LRRIQ1: variants seen among roughly 807,000 people sequenced by gnomAD.
LRRIQ1 encodes leucine rich repeats and IQ motif containing 1, also known as leucine-rich repeat- and IQ domain-containing protein 1.
A neutral mutation model predicts 211.9 loss-of-function variants in LRRIQ1; 210 were observed. The ratio of observed to expected loss-of-function variants is 0.99; its 90% CI spans 0.89 to 1.11. The LOEUF (loss-of-function observed/expected upper bound fraction) is 1.11. Ranked by LOEUF, LRRIQ1 falls within the 50% of genes most tolerant of loss-of-function variation. The pLI, the probability that LRRIQ1 is intolerant of heterozygous loss-of-function variation, is 0.00. For synonymous variants in LRRIQ1, 699 were observed against 650.1 expected (o/e 1.08, Z -1.14); for missense variants, 2,136 against 1,939.5 (o/e 1.10, Z -1.90).
At chr12:85,161,932 C>T (rs1432477610) in intron 24 of LRRIQ1, among the ~76,000 whole-genome samples, 4 of 151,742 alleles carry the variant, frequency 2.6e-5, no homozygotes, top group Admixed American at 1.3e-4. Context: ...CCCAGCTACT[C>T]GGAGGCTGAG....
In LRRIQ1 at chr12:85,220,342, A is replaced by G. The variant is rs184085613; in HGVS notation, c.4823-9175A>G. Among the ~76,000 whole-genome samples the G allele has an allele frequency of 2.0e-5, 3 of 152,178 alleles. No individual in the cohort carries two copies. The East Asian group carries it at 5.8e-4, about 29-fold the overall frequency. On this transcript the variant is annotated intron_variant, in intron 24 of 26. Transcript: ENST00000393217. ...GTTAGCTTATTTTTCTGTGCCTTAAATGATAATTGAATCTTAATCTCCCTC... is the reference window on the plus strand; with the variant it reads ...GTTAGCTTATTTTTCTGTGCCTTAAGTGATAATTGAATCTTAATCTCCCTC...
intron 24 of LRRIQ1, among the ~76,000 whole-genome samples, chr12:85,208,534 G>A (rs1161657567): frequency 6.6e-6 from 1 of 152,088 alleles, no homozygotes; most frequent in East Asian, 1.9e-4. Flanking sequence ...GAATACTTAA[G>A]ATAGTGGATT....
intron 19 of LRRIQ1, among the ~76,000 whole-genome samples, chr12:85,145,056 G>T (rs1429229527): frequency 6.6e-6 from 1 of 150,734 alleles, no homozygotes; most frequent in Non-Finnish European, 1.5e-5. Flanking sequence ...TTGCCTTTAG[G>T]ATTAAAACTT....
At chr12:85,085,685 T>G (rs959314447) in intron 11 of LRRIQ1, among the ~76,000 whole-genome samples, 2 of 152,220 alleles carry the variant, frequency 1.3e-5, no homozygotes, top group Non-Finnish European at 2.9e-5. Flanking sequence ...TGAGAAGATG[T>G]AGTATTTGGT....
intron 19 of LRRIQ1, among the ~76,000 whole-genome samples, chr12:85,143,558 G>T (rs552962953): frequency 2.6e-5 from 4 of 151,548 alleles, no homozygotes; most frequent in Non-Finnish European, 5.9e-5. Flanking sequence ...ATGTCATGGA[G>T]TGTTCGTGGT....
intron 24 of LRRIQ1, among the ~76,000 whole-genome samples, chr12:85,197,839 T>G (rs904052680): frequency 1.5e-5 from 2 of 136,070 alleles, no homozygotes; most frequent in Non-Finnish European, 3.1e-5. Flanking sequence ...AAATAAAAAA[T>G]ATTATATTTA....
At chr12:85,168,377 C>T (rs905149375) in intron 24 of LRRIQ1, among the ~76,000 whole-genome samples, 4 of 152,136 alleles carry the variant, frequency 2.6e-5, no homozygotes, top group African/African-American at 7.2e-5. Flanking sequence ...TACTCTGGGC[C>T]AATCACCCCA....
chr12:85,244,765 T>A, intron 26 of LRRIQ1, 24 bp from the exon 27 acceptor site: 2 of 1,603,540 alleles, frequency 1.2e-6, no homozygotes, highest in East Asian at 4.5e-5. Context: ...CATGATTGTA[T>A]ACATTCTCTT....
At chr12:85,053,847 A>G (rs926731784) in intron 7 of LRRIQ1, among the ~76,000 whole-genome samples, 1 of 152,128 alleles carries the variant, frequency 6.6e-6, no homozygotes, top group African/African-American at 2.4e-5. Context: ...AGCTGGGACT[A>G]CAGGCGCCCG....
At chr12:85,079,603 G>T (rs985199282) in intron 11 of LRRIQ1, among the ~76,000 whole-genome samples, 20 of 151,978 alleles carry the variant, frequency 1.3e-4, no homozygotes, top group African/African-American at 4.8e-4. Context: ...AAAATTTGTT[G>T]ATTTTGTTAT....
chr12:85,102,958 AAAT>A (rs1339869539), intron 13 of LRRIQ1, among the ~76,000 whole-genome samples: 1,477 of 118,298 alleles, frequency 0.012, 4 homozygotes, highest in African/African-American at 0.029. Flanking sequence ...AAAAAAAAAA[AAAT>A]ATATATATAT....
At chr12:85,267,810 AAG>A (rs1896455026), downstream of LRRIQ1, among the ~76,000 whole-genome samples, 2 of 152,054 alleles carry the variant, frequency 1.3e-5, no homozygotes, top group South Asian at 4.1e-4. Context: ...AGAAAGTTAA[AAG>A]AACTTTTGTT....
chr12:85,135,422 C>A (rs1033462879), intron 18 of LRRIQ1, among the ~76,000 whole-genome samples: 25 of 151,662 alleles, frequency 1.6e-4, no homozygotes, highest in African/African-American at 5.8e-4. Flanking sequence ...CATTGGTAAA[C>A]ATTGCCTAGA....
chr12:85,155,149 T>C (rs1890472779), intron 23 of LRRIQ1, among the ~76,000 whole-genome samples: 1 of 151,578 alleles, frequency 6.6e-6, no homozygotes, highest in African/African-American at 2.4e-5. Flanking sequence ...TTCTGAAGTG[T>C]TCAACTTGCA....
chr12:85,162,619 T>C (rs893933297), intron 24 of LRRIQ1: 2 of 376,596 alleles, frequency 5.3e-6, no homozygotes, highest in Non-Finnish European at 1.0e-5. Flanking sequence ...ATGTATGATA[T>C]GTTTATTGAA....
intron 24 of LRRIQ1, among the ~76,000 whole-genome samples, chr12:85,163,525 C>T (rs1028807668): frequency 6.6e-6 from 1 of 152,192 alleles, no homozygotes; most frequent in African/African-American, 2.4e-5. Flanking sequence ...CCAAAATCCA[C>T]ATTTATTTTA....
chr12:85,229,201 T>G (rs1237923893), intron 24 of LRRIQ1, among the ~76,000 whole-genome samples: 1 of 152,194 alleles, frequency 6.6e-6, no homozygotes, highest in East Asian at 1.9e-4. Flanking sequence ...GTTTTTATAT[T>G]AGAAAAATTC....
rs796551769 is a variant in LRRIQ1 at position 85,147,186 on chromosome 12, G to A, written c.4330-5094G>A. Among the ~76,000 whole-genome samples the A allele has an allele frequency of 3.9e-5, 6 of 151,938 alleles. 1 individual carries two copies. The highest frequency in any genetic ancestry group is 1.4e-4 in the African/African-American group (6 of 41,518). ...CACATTTGTATGGCCAAAGCCAGCT[G>A]ATGGATAACCTAAAAGATATTAACA... On this transcript the variant is annotated intron_variant, in intron 19 of 26. Transcript: ENST00000393217.
chr12:85,272,443 A>G, the LRRIQ1 span, among the ~76,000 whole-genome samples: 1 of 152,222 alleles, frequency 6.6e-6, no homozygotes, highest in Non-Finnish European at 1.5e-5. Flanking sequence ...AATACAGTGT[A>G]AAATAAAAAA....
Sources: gnomAD v4.1 joint callset for allele counts (sites outside exome capture counted in the v4.1 genomes callset) on GRCh38, gnomAD v4.1.1 for gene constraint, MANE v1.5 for transcripts, NCBI Gene and HGNC (gene_info 2026-07-23, HGNC 2026-07-21) for gene names.